Variants in CYP2B6 observed in about 807,000 individuals in gnomAD.
CYP2B6 encodes cytochrome P450 2B6.
CYP2B6 carries 35 observed loss-of-function variants against 43.4 expected under a neutral mutation model. That is an observed-to-expected ratio of 0.81 (90% CI 0.62 to 1.07). The LOEUF (loss-of-function observed/expected upper bound fraction) is 1.07. Among genes scored for constraint, CYP2B6 ranks in the 50% least tolerant of loss-of-function variants. CYP2B6 has a pLI of 0.00. For synonymous variants in CYP2B6, 239 were observed against 239.2 expected (o/e 1.00, Z 0.01); for missense variants, 624 against 632.8 (o/e 0.99, Z 0.15).
Position 41,007,027 on chromosome 19 carries a change from T to C in CYP2B6, c.607T>C (p.Tyr203His), listed in dbSNP as rs140578107. 1 of 1,614,142 alleles carries C rather than the reference T, an allele frequency of 6.2e-7. No individual in the cohort carries two copies. The highest frequency in any genetic ancestry group is 2.2e-5 in the East Asian group (1 of 44,884). ...QEFLKMLNLF[Y>H]QTFSLISSVF... ...GTTCCTGAAGATGCTGAACTTGTTC[T>C]ACCAGACTTTTTCACTCATCAGCTC... is the stretch of plus-strand genomic sequence containing the variant. The change falls in exon 4 of 9, where the codon TAC becomes CAC. Residue 203 changes from tyrosine to histidine, a missense_variant. Physicochemically the swap from Tyr to His is moderately conservative, Grantham distance 83 (BLOSUM62 2). Transcript: ENST00000324071.
rs1682517050 is a variant in CYP2B6, at chr19:41,009,313, A to G, written c.740A>G (p.His247Arg). 6.2e-7 allele frequency: 1 copy of G among 1,612,544 alleles called. No individual in the cohort carries two copies. Among genetic ancestry groups the G allele is most frequent in the Middle Eastern group, 1.7e-4 (1 of 6,056 alleles). Residue 247 changes from histidine to arginine, a missense_variant, in exon 5 of 9, where the codon CAC becomes CGC. Physicochemically the swap from His to Arg is conservative, Grantham distance 29. Coordinates refer to ENST00000324071, the MANE Select transcript of CYP2B6 (RefSeq NM_000767.5). ...NLQEINAYIGHSVEKHRETLD... is the reference protein window; with the variant it reads ...NLQEINAYIGRSVEKHRETLD... ...CAGGAAATCAATGCTTACATTGGCC[A>G]CAGTGTGGAGAAGCACCGTGAAACC...
chr19:41,013,438 T>G (rs1471961030), intron 8 of CYP2B6, among the ~76,000 whole-genome samples: 1 of 152,182 alleles, frequency 6.6e-6, no homozygotes, highest in Admixed American at 6.5e-5. Flanking sequence ...GCTTCCAAGC[T>G]AACATGTTCA....
intron 8 of CYP2B6, 132 bp from the exon 9 acceptor site, chr19:41,016,514 T>C: frequency 2.4e-6 from 2 of 839,968 alleles, no homozygotes; most frequent in South Asian, 1.5e-5. Context: ...AAGTCCACCC[T>C]GAATTGTAGG....
intron 1 of CYP2B6, among the ~76,000 whole-genome samples, chr19:41,000,828 C>T (rs180904852): frequency 2.6e-5 from 4 of 152,072 alleles, no homozygotes; most frequent in Non-Finnish European, 5.9e-5. Context: ...CAACTGAGGT[C>T]GGGAGTTCGA....
rs547437501 is a variant in CYP2B6 at position 41,011,226 on chromosome 19, C to T, written c.965-1072C>T. Among the ~76,000 whole-genome samples the T allele has an allele frequency of 2.6e-5, 4 of 152,272 alleles. No homozygotes were observed. The South Asian group carries it at 8.3e-4, about 32-fold the overall frequency. ...TCACCCTTAATCCATCCGTGATTTC[C>T]TTCATTTATCACAATAATTCACTCA... On this transcript the variant is annotated intron_variant, in intron 6 of 8. Transcript: ENST00000324071.
At chr19:40,992,201 CAA>C (rs561830421) in intron 1 of CYP2B6, among the ~76,000 whole-genome samples, 670 of 62,542 alleles carry the variant, frequency 0.011, 8 homozygotes, top group African/African-American at 0.034. Context: ...GACTCCTTCT[CAA>C]AAAAAAAAAA....
intron 1 of CYP2B6, among the ~76,000 whole-genome samples, chr19:40,994,585 C>A (rs902466088): frequency 3.3e-5 from 5 of 152,026 alleles, no homozygotes; most frequent in Non-Finnish European, 5.9e-5. Context: ...TCTCAATCTC[C>A]CAAAGTGCTG....
chr19:41,000,994 G>A (rs556496657), intron 1 of CYP2B6, among the ~76,000 whole-genome samples: 71 of 152,058 alleles, frequency 4.7e-4, no homozygotes, highest in African/African-American at 1.6e-3. Flanking sequence ...AGCTGAGATT[G>A]CATCATTGCA....
At chr19:41,007,088 G>A (rs754444728) in intron 4 of CYP2B6, 23 bp downstream of exon 4, 3 of 1,613,238 alleles carry the variant, frequency 1.9e-6, no homozygotes, top group Non-Finnish European at 2.5e-6. Flanking sequence ...GAGAGGGACA[G>A]GGGGTGTGGG....
chr19:41,010,657 C>T (rs2144674918), intron 6 of CYP2B6, among the ~76,000 whole-genome samples: 1 of 152,142 alleles, frequency 6.6e-6, no homozygotes, highest in South Asian at 2.1e-4. Context: ...TCATGATGTA[C>T]AAATTTAGGG....
chr19:41,010,401 G>GTGTTTTTT (rs1969263167), intron 6 of CYP2B6, among the ~76,000 whole-genome samples: 1 of 145,830 alleles, frequency 6.9e-6, no homozygotes, highest in African/African-American at 2.6e-5. Context: ...TTTGTTTTTT[G>GTGTTTTTT]TTTTTTGGTT....
rs561830421 is a variant in CYP2B6 at position 40,992,201 on chromosome 19, C to CAAAAAAAAAAAAAAAAAAAAAAAAAA, written c.171+745_171+746insAAAAAAAAAAAAAAAAAAAAAAAAAA. ...TGGGTGACAGAGTGAGACTCCTTCT[C>CAAAAAAAAAAAAAAAAAAAAAAAAAA]AAAAAAAAAAAAAAAAAAAAGAATA... On this transcript the variant is annotated intron_variant, in intron 1 of 8. Transcript: ENST00000324071. Among the ~76,000 whole-genome samples the CAAAAAAAAAAAAAAAAAAAAAAAAAA allele has an allele frequency of 8.8e-4, 55 of 62,572 alleles. 1 individual carries two copies. The highest frequency in any genetic ancestry group is 2.8e-3 in the African/African-American group (51 of 18,378). 41.0% of individuals were successfully genotyped at this position (62,572 alleles called of 152,430 possible).
Position 41,016,810 on chromosome 19 carries a change from C to T in CYP2B6, c.1459C>T (p.Arg487Cys), listed in dbSNP as rs3211371. 0.11 allele frequency: 174,617 copies of T among 1,609,992 alleles called. 10,479 individuals are homozygous for T. Among genetic ancestry groups the T allele is most frequent in the Non-Finnish European group, 0.12 (144,724 of 1,176,372 alleles). Reference sequence around the variant, plus strand: ...CAAAATACCCCCAACATACCAGATCCGCTTCCTGCCCCGCTGAAGGGGCTG... The same window carrying T: ...CAAAATACCCCCAACATACCAGATCTGCTTCCTGCCCCGCTGAAGGGGCTG... ...VGKIPPTYQI[R>C]FLPR Residue 487 changes from arginine (R) to cysteine (C), a missense_variant, in exon 9 of 9, where the codon CGC (arginine) becomes TGC (cysteine). Transcript: ENST00000324071.
chr19:41,010,085 C>T lies in CYP2B6; in HGVS notation c.914C>T (p.Thr305Ile). 1 of 1,614,120 alleles carries T rather than the reference C, an allele frequency of 6.2e-7. No individual in the cohort carries two copies. Among genetic ancestry groups the T allele is most frequent in the Non-Finnish European group, 8.5e-7 (1 of 1,180,026 alleles). Residue 305 changes from threonine to isoleucine, a missense_variant, in exon 6 of 9, where the codon ACC becomes ATC. By Grantham distance (89) the Thr-to-Ile change is moderately conservative. Transcript: ENST00000324071. ...TTTGCTGGCACTGAGACCACCAGCACCACTCTCCGCTACGGCTTCCTGCTC... is the reference window on the plus strand; with the variant it reads ...TTTGCTGGCACTGAGACCACCAGCATCACTCTCCGCTACGGCTTCCTGCTC... ...LFFAGTETTSTTLRYGFLLML... is the reference protein window; with the variant it reads ...LFFAGTETTSITLRYGFLLML...
At chr19:41,011,745 ATG>A (rs146148776) in intron 6 of CYP2B6, among the ~76,000 whole-genome samples, 5 of 151,452 alleles carry the variant, frequency 3.3e-5, no homozygotes, top group African/African-American at 9.7e-5. Context: ...GTGTGTGTGC[ATG>A]TGTGTGTGTG....
chr19:40,995,518 AAGG>A lies in CYP2B6; in HGVS notation c.171+4043_171+4045del, dbSNP rs1371288128. Among the ~76,000 whole-genome samples the A allele has an allele frequency of 3.3e-5, 5 of 152,292 alleles. No individual in the cohort carries two copies. The East Asian group carries it at 7.7e-4, about 23-fold the overall frequency. ...CCAACCTCTAAATTCTAGATCATGA[AAGG>A]TCTGGTTGTCATCAACCGATGTGTC... On this transcript the variant is annotated intron_variant, in intron 1 of 8. Transcript: ENST00000324071.
chr19:40,995,171 T>C (rs1264775783), intron 1 of CYP2B6, among the ~76,000 whole-genome samples: 1 of 152,136 alleles, frequency 6.6e-6, no homozygotes, highest in East Asian at 1.9e-4. Flanking sequence ...TAAAAGATAA[T>C]GCTTTCATGA....
At chr19:40,991,927 G>A (rs1362710614) in intron 1 of CYP2B6, among the ~76,000 whole-genome samples, 1 of 152,072 alleles carries the variant, frequency 6.6e-6, no homozygotes, top group Non-Finnish European at 1.5e-5. Context: ...TTTGGGCCAG[G>A]TGCAGTGGCT....
At chr19:41,003,267 T>C (rs35490259) in intron 1 of CYP2B6, among the ~76,000 whole-genome samples, 8,137 of 151,984 alleles carry the variant, frequency 0.054, 756 homozygotes, top group African/African-American at 0.18. Context: ...CCCCACATAA[T>C]ACTGAGCACT....
Sources: gnomAD v4.1 joint callset for allele counts (sites outside exome capture counted in the v4.1 genomes callset) on GRCh38, gnomAD v4.1.1 for gene constraint, MANE v1.5 for transcripts, NCBI Gene and HGNC (gene_info 2026-07-23, HGNC 2026-07-21) for gene names.